The following CPED1 variants were observed in gnomAD, a reference collection of about 807,000 sequenced individuals.
CPED1 encodes cadherin like and PC-esterase domain containing 1.
Under a neutral mutation model 128.2 loss-of-function variants are expected in CPED1, and 114 were observed. The ratio of observed to expected loss-of-function variants is 0.89; its 90% confidence interval spans 0.76 to 1.04. The LOEUF is 1.04. CPED1 is among the 50% of genes least tolerant of loss of function. The pLI, the probability that CPED1 is intolerant of heterozygous loss-of-function variation, is 0.00. For synonymous variants in CPED1, 462 were observed against 426.7 expected (o/e 1.08, Z -1.02); for missense variants, 1,211 against 1,207.1 (o/e 1.00, Z -0.05).
At chr7:121,108,535 A>G (rs1034145079) in intron 7 of CPED1, among the ~76,000 whole-genome samples, 2 of 152,138 alleles carry the variant, frequency 1.3e-5, no homozygotes, top group Non-Finnish European at 2.9e-5. Flanking sequence ...TGGAAAAGTT[A>G]AGCCTATTAG....
At position 121,266,783 on chromosome 7, in the gene CPED1, C is replaced by A. The variant is rs1233354229; in HGVS notation, c.2608C>A (p.Gln870Lys). The A allele has an allele frequency of 5.0e-6, 8 of 1,612,196 alleles. No homozygotes were observed. Among genetic ancestry groups the A allele is most frequent in the Non-Finnish European group, 6.8e-6 (8 of 1,178,660 alleles). ...TCAGTGGCTTAATTCCAATCACCTG[C>A]AAATTATTCACAAAGTTTTGAAGAG... Reference protein sequence around the residue: ...GVQWLNSNHLQIIHKVLKREN... With the variant: ...GVQWLNSNHLKIIHKVLKREN... Residue 870 changes from glutamine to lysine, a missense_variant, in exon 20 of 23, where the codon CAA (glutamine) becomes AAA (lysine). Coordinates refer to ENST00000310396, the MANE Select transcript of CPED1 (RefSeq NM_024913.5).
In CPED1 at chr7:121,283,159, TCA is replaced by T. The variant is rs376550421; in HGVS notation, c.2868+11734_2868+11735del. 2.6e-4 allele frequency among the ~76,000 whole-genome samples: 39 copies of T among 152,354 alleles called. 2 individuals are homozygous for T. The South Asian group carries it at 7.9e-3, about 31-fold the overall frequency. ...TAAATCTACATTCCTGATTTTAATC[TCA>T]CACAATTAAAAGTATTAGGACCACA... On this transcript the variant is annotated intron_variant, in intron 22 of 22. Coordinates refer to ENST00000310396, the MANE Select transcript of CPED1 (RefSeq NM_024913.5).
At chr7:121,069,231 C>T (rs143852346) in intron 5 of CPED1, among the ~76,000 whole-genome samples, 70 of 152,234 alleles carry the variant, frequency 4.6e-4, no homozygotes, top group Non-Finnish European at 8.5e-4. Context: ...GAATACCTAA[C>T]AAGTCCTAAC....
At chr7:121,043,706 C>T (rs1160955374) in intron 3 of CPED1, among the ~76,000 whole-genome samples, 1 of 152,140 alleles carries the variant, frequency 6.6e-6, no homozygotes, top group Admixed American at 6.5e-5. Context: ...TGGGAAGTGG[C>T]TCCAGCCAGT....
chr7:121,283,760 C>T (rs936421105), intron 22 of CPED1, among the ~76,000 whole-genome samples: 1 of 152,170 alleles, frequency 6.6e-6, no homozygotes, highest in Non-Finnish European at 1.5e-5. Context: ...GCTGCAGCCG[C>T]CCCAGGCACT....
chr7:121,037,643 G>A (rs1195906552), intron 3 of CPED1, among the ~76,000 whole-genome samples: 3 of 151,916 alleles, frequency 2.0e-5, no homozygotes, highest in Admixed American at 2.0e-4. Context: ...CCATATGAAC[G>A]TTAGGATTAT....
At chr7:121,265,928 A>G (rs1359006922) in intron 18 of CPED1, among the ~76,000 whole-genome samples, 4 of 152,078 alleles carry the variant, frequency 2.6e-5, no homozygotes, top group Non-Finnish European at 5.9e-5. Context: ...AGAACTTGTT[A>G]AGATGCTTAA....
chr7:121,283,218 G>A (rs929103303), intron 22 of CPED1, among the ~76,000 whole-genome samples: 2 of 152,162 alleles, frequency 1.3e-5, no homozygotes, highest in African/African-American at 4.8e-5. Context: ...TAAGATTGGG[G>A]TTTATATAGA....
At chr7:121,110,110 C>T (rs1207862132) in intron 7 of CPED1, among the ~76,000 whole-genome samples, 3 of 152,130 alleles carry the variant, frequency 2.0e-5, no homozygotes, top group Non-Finnish European at 4.4e-5. Flanking sequence ...ACTCTATGAC[C>T]TTAGACAAAT....
At chr7:121,163,712 G>A (rs1013757880) in intron 16 of CPED1, among the ~76,000 whole-genome samples, 15 of 152,162 alleles carry the variant, frequency 9.9e-5, no homozygotes, top group Admixed American at 7.2e-4. Flanking sequence ...ATAAGAGAGG[G>A]TTGAACAATG....
At chr7:121,232,470 G>A (rs545282399) in intron 16 of CPED1, among the ~76,000 whole-genome samples, 6 of 152,016 alleles carry the variant, frequency 3.9e-5, no homozygotes. Flanking sequence ...GTAAGTGTTC[G>A]GGCTCAAGAG....
chr7:121,004,181 C>A (rs1484626883), intron 2 of CPED1, among the ~76,000 whole-genome samples: 2 of 152,128 alleles, frequency 1.3e-5, no homozygotes, highest in Non-Finnish European at 2.9e-5. Context: ...CTCAAGGGAG[C>A]CCTGGATTTC....
At chr7:121,214,911 A>C (rs1300874652) in intron 16 of CPED1, among the ~76,000 whole-genome samples, 1 of 152,050 alleles carries the variant, frequency 6.6e-6, no homozygotes, top group African/African-American at 2.4e-5. Flanking sequence ...AGTAATTACT[A>C]GTAAAGCTTC....
At chr7:121,203,169 G>A (rs995891248) in intron 16 of CPED1, among the ~76,000 whole-genome samples, 1 of 152,050 alleles carries the variant, frequency 6.6e-6, no homozygotes, top group African/African-American at 2.4e-5. Flanking sequence ...TTGTTAAGAA[G>A]ATCAAAGTCA....
intron 16 of CPED1, among the ~76,000 whole-genome samples, chr7:121,207,408 A>G (rs1302929498): frequency 2.6e-5 from 4 of 152,050 alleles, no homozygotes; most frequent in African/African-American, 9.7e-5. Flanking sequence ...TTAAAGTAAA[A>G]AATGTAAAAC....
chr7:121,088,119 T>G (rs1035798810), intron 5 of CPED1, among the ~76,000 whole-genome samples: 1 of 152,194 alleles, frequency 6.6e-6, no homozygotes, highest in African/African-American at 2.4e-5. Context: ...TCACCTATTC[T>G]TAGGCATTTA....
At chr7:121,243,219 A>G (rs1798443602) in intron 17 of CPED1, among the ~76,000 whole-genome samples, 1 of 152,204 alleles carries the variant, frequency 6.6e-6, no homozygotes, top group Admixed American at 6.5e-5. Flanking sequence ...GAGAGTGATT[A>G]TCAGAGAAAT....
chr7:121,043,238 GGAA>G (rs1793104868), intron 3 of CPED1, among the ~76,000 whole-genome samples: 1 of 152,074 alleles, frequency 6.6e-6, no homozygotes, highest in African/African-American at 2.4e-5. Context: ...ACTCCAACTG[GGAA>G]GAAGAGATGG....
chr7:121,163,924 TAAAG>T (rs138952549), intron 16 of CPED1, among the ~76,000 whole-genome samples: 6,057 of 152,322 alleles, frequency 0.04, 179 homozygotes, highest in Non-Finnish European at 0.06. Flanking sequence ...GTGGCAATAT[TAAAG>T]AAAGAATTCA....
Sources: allele counts gnomAD v4.1 joint callset (sites outside exome capture counted in the v4.1 genomes callset), GRCh38; gene constraint gnomAD v4.1.1; transcripts MANE v1.5; gene names NCBI Gene and HGNC (gene_info 2026-07-23, HGNC 2026-07-21).